Variants in PCDH15 observed in about 807,000 individuals in gnomAD.
The protein encoded by PCDH15 is protocadherin-15.
PCDH15 carries 129 observed loss-of-function variants against 178.5 expected under a neutral mutation model. The ratio of observed to expected loss-of-function variants is 0.72; its 90% CI spans 0.63 to 0.84. PCDH15 has a LOEUF of 0.84. Ranked by LOEUF, PCDH15 falls within the 40% of genes least tolerant of loss-of-function variation. The pLI is 0.00. For missense variants in PCDH15, 2,230 were observed against 2,099.9 expected, an observed-to-expected ratio of 1.06 and a Z score of -1.21; for synonymous variants, 800 against 732.0, an observed-to-expected ratio of 1.09 and a Z score of -1.50.
intron 2 of PCDH15, among the ~76,000 whole-genome samples, chr10:55,362,643 C>T (rs1565058219): frequency 2.7e-5 from 4 of 149,998 alleles, no homozygotes; most frequent in South Asian, 4.2e-4. Context: ...TACATGCACT[C>T]GTGTGTGTGT....
At chr10:54,719,793 C>T (rs1225087312) in intron 1 of PCDH15, among the ~76,000 whole-genome samples, 1 of 151,814 alleles carries the variant, frequency 6.6e-6, no homozygotes, top group African/African-American at 2.4e-5. Context: ...TTTTTTGTTC[C>T]TTTGTTAGTT....
At chr10:54,681,658 G>A (rs2094901558) in intron 1 of PCDH15, among the ~76,000 whole-genome samples, 1 of 152,024 alleles carries the variant, frequency 6.6e-6, no homozygotes. Flanking sequence ...CTGACTAGAG[G>A]TTTTCAAGAA....
intron 2 of PCDH15, chr10:54,600,450 A>G: frequency 3.5e-6 from 2 of 579,198 alleles, no homozygotes; most frequent in Non-Finnish European, 6.9e-6. Context: ...TAAGCCCAGC[A>G]GATGAAAAGA....
intron 1 of PCDH15, among the ~76,000 whole-genome samples, chr10:54,733,718 C>T (rs1943704080): frequency 6.6e-6 from 1 of 151,322 alleles, no homozygotes; most frequent in Non-Finnish European, 1.5e-5. Context: ...TTATAGTAAT[C>T]AGGACAGTAT....
intron 1 of PCDH15, among the ~76,000 whole-genome samples, chr10:54,792,792 C>A (rs1951544893): frequency 4.6e-5 from 7 of 151,816 alleles, no homozygotes; most frequent in African/African-American, 1.4e-4. Flanking sequence ...TATTTGTCAC[C>A]TATCTAATTT....
At chr10:55,476,965 G>T (rs969559253) in intron 2 of PCDH15, among the ~76,000 whole-genome samples, 3 of 151,730 alleles carry the variant, frequency 2.0e-5, no homozygotes, top group Admixed American at 6.6e-5. Flanking sequence ...GATGGTGTTG[G>T]CCCCATAATA....
At chr10:54,106,834 A>G (rs571360227) in intron 15 of PCDH15, among the ~76,000 whole-genome samples, 6 of 152,344 alleles carry the variant, frequency 3.9e-5, no homozygotes, top group Admixed American at 1.3e-4. Context: ...TTATATACAC[A>G]AAAATACATG....
chr10:53,828,860 C>G (rs2076860226), intron 30 of PCDH15, among the ~76,000 whole-genome samples: 1 of 152,086 alleles, frequency 6.6e-6, no homozygotes, highest in African/African-American at 2.4e-5. Context: ...GTGAGAATTT[C>G]AACTCTAGTG....
chr10:54,427,290 T>C (rs1463357901), intron 3 of PCDH15, among the ~76,000 whole-genome samples: 1 of 142,440 alleles, frequency 7.0e-6, no homozygotes, highest in East Asian at 2.0e-4. Context: ...TTTTTTTTTT[T>C]TTTTTGAGAC....
At chr10:53,834,074 T>C (rs2077164139) in intron 29 of PCDH15, among the ~76,000 whole-genome samples, 1 of 152,168 alleles carries the variant, frequency 6.6e-6, no homozygotes, top group South Asian at 2.1e-4. Flanking sequence ...GTCAATATCT[T>C]ATTGTATTGT....
intron 2 of PCDH15, among the ~76,000 whole-genome samples, chr10:54,550,392 C>T (rs2086423670): frequency 6.6e-6 from 1 of 152,064 alleles, no homozygotes; most frequent in Admixed American, 6.6e-5. Flanking sequence ...TGCAATTAAA[C>T]TAAACATAAT....
chr10:54,043,643 C>T (rs527810525), intron 18 of PCDH15, among the ~76,000 whole-genome samples: 3 of 152,160 alleles, frequency 2.0e-5, no homozygotes, highest in African/African-American at 7.2e-5. Flanking sequence ...CCTGCCTCAG[C>T]CTCCCAAAGT....
rs537441097 is a variant in PCDH15, at chr10:54,909,199, G to A, written c.-79-11699C>T. Among the ~76,000 whole-genome samples, 82 of 152,280 alleles carry A rather than the reference G, an allele frequency of 5.4e-4. 1 individual carries two copies. The South Asian group carries it at 0.016, about 29-fold the overall frequency. ...CCACGAGTTCTCACTCCAGTCTGCGGGACACAAAGCCCAGTCCCCAGGCTT... is the reference window on the plus strand; with the variant it reads ...CCACGAGTTCTCACTCCAGTCTGCGAGACACAAAGCCCAGTCCCCAGGCTT... On this transcript the variant is annotated intron_variant, in intron 2 of 5. Coordinates refer to the PCDH15 transcript ENST00000458638.
At chr10:55,598,896 G>A (rs1280001028) in intron 2 of PCDH15, among the ~76,000 whole-genome samples, 2 of 151,962 alleles carry the variant, frequency 1.3e-5, no homozygotes, top group Non-Finnish European at 2.9e-5. Flanking sequence ...CAAAGCACTC[G>A]GCTTACACCC....
In PCDH15 at chr10:55,348,253, T is replaced by C. The variant is rs1844815123; in HGVS notation, c.-155-181602A>G. Among the ~76,000 whole-genome samples, 4 of 152,154 alleles carry C rather than the reference T, an allele frequency of 2.6e-5. No homozygotes were observed. The South Asian group carries it at 8.3e-4, about 31-fold the overall frequency. ...CACAAGCCACATTTCAAAGGTTGAATAGACTCTTTTGTCTAGTGGCTACTA... is the reference window on the plus strand; with the variant it reads ...CACAAGCCACATTTCAAAGGTTGAACAGACTCTTTTGTCTAGTGGCTACTA... On this transcript the variant is annotated intron_variant, in intron 2 of 5. Coordinates refer to the PCDH15 transcript ENST00000613346.
intron 29 of PCDH15, among the ~76,000 whole-genome samples, chr10:53,833,212 C>T (rs2077114047): frequency 6.6e-6 from 1 of 151,928 alleles, no homozygotes; most frequent in Non-Finnish European, 1.5e-5. Flanking sequence ...AGAATATACC[C>T]CTACAATGTG....
At chr10:54,504,365 G>T (rs1379340259) in intron 3 of PCDH15, among the ~76,000 whole-genome samples, 2 of 151,924 alleles carry the variant, frequency 1.3e-5, no homozygotes, top group Non-Finnish European at 2.9e-5. Context: ...CCCTGTTCAG[G>T]TATTGTTCAG....
intron 2 of PCDH15, among the ~76,000 whole-genome samples, chr10:55,626,701 T>C (rs1281044362): frequency 6.6e-6 from 1 of 152,228 alleles, no homozygotes; most frequent in Non-Finnish European, 1.5e-5. Flanking sequence ...ATTCCTGTTA[T>C]TAGCTAATGT....
At chr10:54,483,522 TATTAA>T (rs1180624809) in intron 3 of PCDH15, among the ~76,000 whole-genome samples, 1 of 151,830 alleles carries the variant, frequency 6.6e-6, no homozygotes, top group East Asian at 1.9e-4. Context: ...TTTCTTTTTT[TATTAA>T]ATTGAGATTC....
Sources: gnomAD v4.1 joint callset for allele counts (sites outside exome capture counted in the v4.1 genomes callset) on GRCh38, gnomAD v4.1.1 for gene constraint, MANE v1.5 for transcripts, NCBI Gene and HGNC (gene_info 2026-07-23, HGNC 2026-07-21) for gene names.